The following ZNF596 variants were observed in gnomAD, a reference collection of about 807,000 sequenced individuals.
The protein encoded by ZNF596 is zinc finger protein 596.
In ZNF596, 45 loss-of-function variants were observed where a neutral mutation model predicts 48.3. The ratio of observed to expected loss-of-function variants is 0.93; its 90% confidence interval spans 0.73 to 1.19. The LOEUF (loss-of-function observed/expected upper bound fraction) is 1.19. ZNF596 is among the 50% of genes most tolerant of loss of function. The pLI, the probability that ZNF596 is intolerant of heterozygous loss-of-function variation, is 0.00. For missense variants in ZNF596, 848 were observed against 599.7 expected (o/e 1.41, Z -4.32); for synonymous variants, 270 against 202.0 (o/e 1.34, Z -2.85).
intron 3 of ZNF596, chr8:243,270 C>A: frequency 3.0e-6 from 1 of 335,898 alleles, no homozygotes; most frequent in South Asian, 5.6e-5. Context: ...CTTTAATCTC[C>A]CAAACTCAGA....
intron 1 of ZNF596, among the ~76,000 whole-genome samples, chr8:236,536 T>A (rs1056864255): frequency 1.3e-5 from 2 of 152,198 alleles, no homozygotes; most frequent in Non-Finnish European, 2.9e-5. Context: ...GCTGAATATA[T>A]TGTTGAGATT....
At position 241,176 on chromosome 8, in the gene ZNF596, A is replaced by C. The variant is rs373368309; in HGVS notation, c.12+269A>C. Among the ~76,000 whole-genome samples the C allele has an allele frequency of 3.9e-5, 6 of 152,324 alleles. No individual in the cohort carries two copies. The South Asian group carries it at 1.0e-3, about 26-fold the overall frequency. The stretch of plus-strand genomic sequence containing the variant: ...GTTTCTCTCATCCAGTCTCAGGGAA[A>C]TCATTCATTACGAGCCTCTCATGGC... On this transcript the variant is annotated intron_variant, in intron 2 of 5. Transcript: ENST00000398612.
At chr8:242,754 A>G (rs1796905752) in intron 2 of ZNF596, 133 bp from the exon 3 acceptor site, 1 of 759,456 alleles carries the variant, frequency 1.3e-6, no homozygotes, top group Non-Finnish European at 1.9e-6. Context: ...GCAATGTGAC[A>G]GGAACCCCAA....
chr8:237,710 G>A (rs188894092), intron 1 of ZNF596: 7 of 152,280 alleles, frequency 4.6e-5, no homozygotes, highest in Admixed American at 3.9e-4. Flanking sequence ...CTAGTTATGT[G>A]TATTTCCAAC....
intron 4 of ZNF596, 27 bp downstream of exon 4, chr8:243,832 T>A: frequency 1.3e-6 from 2 of 1,596,550 alleles, no homozygotes; most frequent in Non-Finnish European, 1.7e-6. Flanking sequence ...AGTGCTTCAA[T>A]AGGAGGAGGA....
At position 245,418 on chromosome 8, in the gene ZNF596, A is replaced by G; in HGVS notation, c.571A>G (p.Arg191Gly). The change falls in exon 6 of 6, where the codon AGA becomes GGA. Residue 191 changes from arginine (R) to glycine (G), a missense_variant. By Grantham distance (125) the Arg-to-Gly change is moderately radical. Coordinates refer to ENST00000398612, the MANE Select transcript of ZNF596 (RefSeq NM_001042416.3). ...ALRPHSVTHT[R>G]EITLECRVCG... Reference sequence around the variant, plus strand: ...TAGACCACACAGTGTGACTCACACTAGAGAGATAACATTGGAATGTCGTGT... The same window carrying G: ...TAGACCACACAGTGTGACTCACACTGGAGAGATAACATTGGAATGTCGTGT... 3.1e-6 allele frequency: 5 copies of G among 1,614,200 alleles called. No individual in the cohort carries two copies. The highest frequency in any genetic ancestry group is 4.2e-6 in the Non-Finnish European group (5 of 1,180,018).
At position 244,717 on chromosome 8, in the gene ZNF596, G is replaced by T. The variant is rs771911353; in HGVS notation, c.306+16G>T. The stretch of plus-strand genomic sequence containing the variant: ...CAGCACAATGGTAAGCTTTATGGAT[G>T]CAAACCCTGTTCTTACATATAGAAA... On this transcript the variant is annotated intron_variant, in intron 5 of 5. Coordinates refer to ENST00000398612, the MANE Select transcript of ZNF596 (RefSeq NM_001042416.3). 1 of 1,599,362 alleles carries T rather than the reference G, an allele frequency of 6.3e-7. No individual in the cohort carries two copies. Among genetic ancestry groups the T allele is most frequent in the African/African-American group, 1.4e-5 (1 of 73,908 alleles).
Position 232,793 on chromosome 8 carries a change from T to C in ZNF596, c.-73+99T>C, listed in dbSNP as rs532945442. The C allele has an allele frequency of 3.1e-3, 1,330 of 432,806 alleles. 13 individuals carry two copies. The highest frequency in any genetic ancestry group is 0.025 in the African/African-American group (1,165 of 47,316). The allele number at this position is 432,806 out of a possible 1,614,324, so 26.8% of individuals were successfully genotyped here. Reference sequence around the variant, plus strand: ...GGATTCGGCAGACGCCAGTCCTCCCTGAGATGCTTCCCCATCCTTCCCTCC... The same window carrying C: ...GGATTCGGCAGACGCCAGTCCTCCCCGAGATGCTTCCCCATCCTTCCCTCC... On this transcript the variant is annotated intron_variant, in intron 1 of 5. Transcript: ENST00000398612.
At position 245,520 on chromosome 8, in the gene ZNF596, T is replaced by C; in HGVS notation, c.673T>C (p.Cys225Arg). 2 of 1,614,134 alleles carry C rather than the reference T, an allele frequency of 1.2e-6. No homozygotes were observed. Among genetic ancestry groups the C allele is most frequent in the Non-Finnish European group, 1.7e-6 (2 of 1,180,004 alleles). Residue 225 changes from cysteine (C) to arginine (R), a missense_variant, in exon 6 of 6, where the codon TGT (cysteine) becomes CGT (arginine). Cys to Arg is a radical substitution (Grantham distance 180). Transcript: ENST00000398612. The stretch of plus-strand genomic sequence containing the variant: ...TCACACTGGAGAGAAACCACACGGA[T>C]GTCATCTATGTGGGAAAGCCTTTAC... ...MIHTGEKPHG[C>R]HLCGKAFTHC...
chr8:244,806 C>T, intron 5 of ZNF596, 105 bp downstream of exon 5: 1 of 922,784 alleles, frequency 1.1e-6, no homozygotes, highest in South Asian at 1.6e-5. Flanking sequence ...GCCCTCCCAG[C>T]AGTTTTAGAT....
intron 1 of ZNF596, among the ~76,000 whole-genome samples, chr8:233,979 C>G (rs548088934): frequency 6.6e-6 from 1 of 152,128 alleles, no homozygotes; most frequent in Non-Finnish European, 1.5e-5. Context: ...ACCTTTCCAC[C>G]GGCCCCAAGA....
intron 1 of ZNF596, among the ~76,000 whole-genome samples, chr8:239,892 C>A (rs1356955980): frequency 1.3e-5 from 2 of 152,118 alleles, no homozygotes; most frequent in Non-Finnish European, 2.9e-5. Context: ...GGTGATCACC[C>A]CCCATCCTAG....
At chr8:240,680 G>T (rs537380812) in intron 1 of ZNF596, 144 bp from the exon 2 acceptor site, 2 of 590,510 alleles carry the variant, frequency 3.4e-6, no homozygotes, top group Middle Eastern at 4.2e-4. Context: ...TCTGACCCTG[G>T]GAGAGGAGAG....
At chr8:235,134 A>G (rs909458387) in intron 1 of ZNF596, among the ~76,000 whole-genome samples, 29 of 152,212 alleles carry the variant, frequency 1.9e-4, no homozygotes, top group Non-Finnish European at 4.1e-4. Flanking sequence ...TTTCATCCAC[A>G]CGATGGAGTG....
In ZNF596 at chr8:240,283, A is replaced by T. The variant is rs904519837; in HGVS notation, c.-72-541A>T. 11 of 152,480 alleles carry T rather than the reference A, an allele frequency of 7.2e-5. No individual in the cohort carries two copies. In the East Asian group the frequency reaches 1.7e-3, roughly 24 times the overall value. The allele number at this position is 152,480 out of a possible 1,614,324, so 9.4% of individuals were successfully genotyped here. On this transcript the variant is annotated intron_variant, in intron 1 of 5. Coordinates refer to ENST00000398612, the MANE Select transcript of ZNF596 (RefSeq NM_001042416.3). Reference sequence around the variant, plus strand: ...TTGAAGCTGCTTGGTAGATAAATTCATGCTACATTTATCTACAGGTCAGAC... The same window carrying T: ...TTGAAGCTGCTTGGTAGATAAATTCTTGCTACATTTATCTACAGGTCAGAC...
rs576982863 is a variant in ZNF596 at position 237,342 on chromosome 8, T to G, written c.-72-3482T>G. On this transcript the variant is annotated intron_variant, in intron 1 of 5. Transcript: ENST00000398612. Reference sequence around the variant, plus strand: ...AATTGTTTTATCTTTTTAAGTCTTATTAATATGTACTGAATTTGTAACAAT... The same window carrying G: ...AATTGTTTTATCTTTTTAAGTCTTAGTAATATGTACTGAATTTGTAACAAT... The G allele has an allele frequency of 8.5e-5, 13 of 152,298 alleles. No individual in the cohort carries two copies. The South Asian group carries it at 2.1e-3, about 24-fold the overall frequency. The allele number at this position is 152,298 out of a possible 1,614,324, so 9.4% of individuals were successfully genotyped here. A position where few individuals can be genotyped will look rare whatever the true frequency, so the allele number is the denominator to read the frequency against.
Position 245,939 on chromosome 8 carries a change from A to G in ZNF596, c.1092A>G (p.Gly364=). The G allele has an allele frequency of 6.2e-7, 1 of 1,614,158 alleles. No homozygotes were observed. The highest frequency in any genetic ancestry group is 8.5e-7 in the Non-Finnish European group (1 of 1,180,034). ...ERSHNGEKPH[G]CHLCGKAFTE... is the part of the protein sequence containing the mutation. ...GTCACAATGGAGAGAAACCACATGG[A>G]TGTCATCTATGTGGGAAAGCATTCA... The change falls in exon 6 of 6, where the codon GGA becomes GGG. Residue 364 remains glycine (G), a synonymous_variant. Transcript: ENST00000398612.
chr8:243,891 T>C (rs1003209917), intron 4 of ZNF596, 86 bp downstream of exon 4: 23 of 1,193,836 alleles, frequency 1.9e-5, no homozygotes, highest in South Asian at 9.0e-5. Context: ...CAAAGGAAGA[T>C]TTCTTTTGTT....
At chr8:237,369 T>C (rs1421174948) in intron 1 of ZNF596, 1 of 152,192 alleles carries the variant, frequency 6.6e-6, no homozygotes, top group African/African-American at 2.4e-5. Context: ...TGTAACAATT[T>C]GGAAAGTCAA....
Sources: gnomAD v4.1 joint callset for allele counts (sites outside exome capture counted in the v4.1 genomes callset) on GRCh38, gnomAD v4.1.1 for gene constraint, MANE v1.5 for transcripts, NCBI Gene and HGNC (gene_info 2026-07-23, HGNC 2026-07-21) for gene names.